Variants in FGD6 observed in about 807,000 individuals in gnomAD.
FGD6 encodes the protein FYVE, RhoGEF and PH domain containing 6, also known as FYVE, RhoGEF and PH domain-containing protein 6.
In FGD6, 90 loss-of-function variants were observed where a neutral mutation model predicts 149.4. That is an observed-to-expected ratio of 0.60 (90% confidence interval 0.51 to 0.72). The LOEUF is 0.72. Among genes scored for constraint, FGD6 ranks in the 30% least tolerant of loss-of-function variants. The pLI, the probability that FGD6 is intolerant of heterozygous loss-of-function variation, is 0.00. For missense variants in FGD6, 1,437 were observed against 1,684.8 expected (o/e 0.85, Z 2.57); for synonymous variants, 527 against 584.0 (o/e 0.90, Z 1.41).
At position 95,113,713 on chromosome 12, in the gene FGD6, G is replaced by GAAAAAAAA; in HGVS notation, c.3083-20_3083-13dup. ...ATTCTTCAAATAATCTAGAAAAGAAGAAAAAAAAGTATTTAAGTACAATAA... is the reference window on the plus strand; with the variant it reads ...ATTCTTCAAATAATCTAGAAAAGAAGAAAAAAAAAAAAAAAAGTATTTAAGTACAATAA... On this transcript the variant is annotated splice_polypyrimidine_tract_variant and intron_variant, in intron 8 of 20. Transcript: ENST00000343958. The GAAAAAAAA allele has an allele frequency of 6.5e-7, 1 of 1,542,638 alleles. No homozygotes were observed.
intron 2 of FGD6, among the ~76,000 whole-genome samples, chr12:95,207,381 G>A (rs142102660): frequency 1.0e-3 from 156 of 152,186 alleles, no homozygotes; most frequent in African/African-American, 3.6e-3. Context: ...TATTAGTAGC[G>A]TGAGAACGGA....
chr12:95,215,564 T>C (rs995684746), intron 1 of FGD6, among the ~76,000 whole-genome samples: 5 of 152,200 alleles, frequency 3.3e-5, no homozygotes, highest in African/African-American at 1.2e-4. Context: ...AGTTGATGCT[T>C]CTCAGCCAGC....
chr12:95,170,878 G>C (rs1287563559), intron 3 of FGD6, among the ~76,000 whole-genome samples: 6 of 152,106 alleles, frequency 3.9e-5, no homozygotes, highest in Non-Finnish European at 7.3e-5. Flanking sequence ...GAGTGCTGTG[G>C]GTCTTTAAGA....
chr12:95,174,678 C>T (rs138266805), intron 2 of FGD6, among the ~76,000 whole-genome samples: 20 of 152,212 alleles, frequency 1.3e-4, no homozygotes, highest in African/African-American at 4.1e-4. Context: ...CCTGTAATCC[C>T]AGCACTTTGG....
At chr12:95,189,014 C>CT (rs1881519350) in intron 2 of FGD6, among the ~76,000 whole-genome samples, 1 of 152,170 alleles carries the variant, frequency 6.6e-6, no homozygotes, top group South Asian at 2.1e-4. Context: ...CCCTAGACCA[C>CT]TCCCCGCTCT....
intron 18 of FGD6, among the ~76,000 whole-genome samples, chr12:95,086,650 C>T (rs1404959302): frequency 6.7e-6 from 1 of 148,520 alleles, no homozygotes; most frequent in Admixed American, 6.8e-5. Flanking sequence ...CGCCATTCTC[C>T]TGCCTCAGCC....
At chr12:95,168,104 T>C (rs1324052170) in intron 3 of FGD6, among the ~76,000 whole-genome samples, 1 of 152,150 alleles carries the variant, frequency 6.6e-6, no homozygotes, top group East Asian at 1.9e-4. Flanking sequence ...TGTGAAGTGA[T>C]ACTCGTGTAA....
At position 95,190,983 on chromosome 12, in the gene FGD6, C is replaced by T. The variant is rs534688944; in HGVS notation, c.2441+17860G>A. 8.8e-4 allele frequency among the ~76,000 whole-genome samples: 134 copies of T among 152,308 alleles called. 1 individual carries two copies. Among genetic ancestry groups the T allele is most frequent in the Middle Eastern group, 3.4e-3 (1 of 294 alleles). ...TAAATTTTTGCTAACTCCAAAGCTA[C>T]CTACAGACTGCCTAGATTTTTTCAG... On this transcript the variant is annotated intron_variant, in intron 2 of 20. Coordinates refer to ENST00000343958, the MANE Select transcript of FGD6 (RefSeq NM_018351.4).
chr12:95,082,846 T>C (rs1309452729), intron 20 of FGD6, among the ~76,000 whole-genome samples: 1 of 149,656 alleles, frequency 6.7e-6, no homozygotes, highest in Non-Finnish European at 1.5e-5. Context: ...TATCATTTCT[T>C]ACGGTATTAT....
intron 6 of FGD6, among the ~76,000 whole-genome samples, chr12:95,139,081 C>A (rs939639475): frequency 3.9e-5 from 6 of 152,244 alleles, no homozygotes; most frequent in Admixed American, 3.3e-4. Context: ...AATGTTATTT[C>A]AGAAAGTCAA....
intron 4 of FGD6, 35 bp downstream of exon 4, chr12:95,152,889 GGA>G: frequency 6.2e-7 from 1 of 1,613,438 alleles, no homozygotes; most frequent in East Asian, 2.2e-5. Flanking sequence ...GCCAATGGGG[GGA>G]AAACAGTCTT....
chr12:95,191,629 G>A lies in FGD6; in HGVS notation c.2441+17214C>T, dbSNP rs184997732. 2.4e-4 allele frequency among the ~76,000 whole-genome samples: 37 copies of A among 152,278 alleles called. No homozygotes were observed. The East Asian group carries it at 6.4e-3, about 26-fold the overall frequency. On this transcript the variant is annotated intron_variant, in intron 2 of 20. Transcript: ENST00000343958. ...ACATAGTTGTCCCTGGGTATCTGTGGGGGATTGGTTTCAGGACCCCCCACA... is the reference window on the plus strand; with the variant it reads ...ACATAGTTGTCCCTGGGTATCTGTGAGGGATTGGTTTCAGGACCCCCCACA...
chr12:95,201,439 C>T (rs1307874419), intron 2 of FGD6, among the ~76,000 whole-genome samples: 1 of 152,176 alleles, frequency 6.6e-6, no homozygotes, highest in Non-Finnish European at 1.5e-5. Context: ...TCACATTTTT[C>T]ATATATTAGA....
chr12:95,082,310 T>G (rs952988087), intron 20 of FGD6, among the ~76,000 whole-genome samples: 1 of 152,094 alleles, frequency 6.6e-6, no homozygotes, highest in Non-Finnish European at 1.5e-5. Context: ...GTTTCAAGAT[T>G]TGCAATTAAA....
chr12:95,125,941 T>A (rs1879325850), intron 8 of FGD6: 1 of 1,453,402 alleles, frequency 6.9e-7, no homozygotes, highest in Admixed American at 1.7e-5. Flanking sequence ...ACTGATTTCA[T>A]CCTCAAGTTT....
chr12:95,080,050 C>T lies in FGD6; in HGVS notation c.*1470G>A, dbSNP rs892755980. 1.3e-5 allele frequency: 2 copies of T among 148,718 alleles called. No homozygotes were observed. Among genetic ancestry groups the T allele is most frequent in the Middle Eastern group, 7.0e-3 (2 of 286 alleles). The allele number at this position is 148,718 out of a possible 1,614,324, so 9.2% of individuals were successfully genotyped here. On this transcript the variant is annotated 3_prime_UTR_variant, in exon 21 of 21. Coordinates refer to ENST00000343958, the MANE Select transcript of FGD6 (RefSeq NM_018351.4). ...CACTGCAACCTCTGCCTCCTGGGTT[C>T]AAGCGATGCTCCTGCCTCAGCCTGC...
intron 20 of FGD6, among the ~76,000 whole-genome samples, chr12:95,082,479 G>A (rs923771311): frequency 1.3e-5 from 2 of 151,646 alleles, no homozygotes; most frequent in East Asian, 1.9e-4. Flanking sequence ...CCAATATGGT[G>A]AAACCCTGTC....
At chr12:95,208,679 T>C (rs768272996) in intron 2 of FGD6, among the ~76,000 whole-genome samples, 164 bp downstream of exon 2, 5 of 152,216 alleles carry the variant, frequency 3.3e-5, no homozygotes, top group Non-Finnish European at 5.9e-5. Flanking sequence ...CAAATACCCA[T>C]TCCAACTGTA....
intron 8 of FGD6, among the ~76,000 whole-genome samples, chr12:95,132,712 A>G (rs1207483055): frequency 6.6e-6 from 1 of 152,190 alleles, no homozygotes; most frequent in African/African-American, 2.4e-5. Flanking sequence ...AGATTGCACC[A>G]CTGCACTCCA....
Sources: allele counts gnomAD v4.1 joint callset (sites outside exome capture counted in the v4.1 genomes callset), GRCh38; gene constraint gnomAD v4.1.1; transcripts MANE v1.5; gene names NCBI Gene and HGNC (gene_info 2026-07-23, HGNC 2026-07-21).